ZMYND11: variants seen among roughly 807,000 people sequenced by gnomAD.
The protein encoded by ZMYND11 is zinc finger MYND domain-containing protein 11.
Under a neutral mutation model 84.9 loss-of-function variants are expected in ZMYND11, and 9 were observed. The ratio of observed to expected loss-of-function variants is 0.11; its 90% CI spans 0.06 to 0.18. The LOEUF (loss-of-function observed/expected upper bound fraction) is 0.18. Among genes scored for constraint, ZMYND11 ranks in the 10% least tolerant of loss-of-function variants. ZMYND11 has a pLI of 1.00. For missense variants in ZMYND11, 409 were observed against 761.0 expected (o/e 0.54, Z 5.44); for synonymous variants, 250 against 244.1 (o/e 1.02, Z -0.23).
intron 2 of ZMYND11, among the ~76,000 whole-genome samples, chr10:201,234 AATTT>A (rs964599049): frequency 6.6e-5 from 10 of 152,226 alleles, no homozygotes; most frequent in Admixed American, 6.5e-4. Context: ...ACTTAAAATA[AATTT>A]ATGTTACCAT....
chr10:238,384 T>C (rs1950329695), intron 6 of ZMYND11, among the ~76,000 whole-genome samples: 1 of 151,700 alleles, frequency 6.6e-6, no homozygotes, highest in Admixed American at 6.6e-5. Context: ...TGAGACGGAG[T>C]CTCACTCTGT....
At chr10:231,185 G>A (rs1304070162) in intron 4 of ZMYND11, among the ~76,000 whole-genome samples, 2 of 152,210 alleles carry the variant, frequency 1.3e-5, no homozygotes, top group African/African-American at 4.8e-5. Context: ...CCACATGGTC[G>A]CAAAGCCTAA....
intron 1 of ZMYND11, among the ~76,000 whole-genome samples, chr10:141,164 CAA>C (rs1554753877): frequency 6.6e-6 from 1 of 152,144 alleles, no homozygotes; most frequent in African/African-American, 2.4e-5. Context: ...GTTTATAGTT[CAA>C]GTTACTTCAT....
chr10:241,935 T>A, intron 9 of ZMYND11, 86 bp from the exon 10 acceptor site: 2 of 1,462,946 alleles, frequency 1.4e-6, no homozygotes. Context: ...AAATAATGGA[T>A]TATATGTGAC....
intron 1 of ZMYND11, among the ~76,000 whole-genome samples, chr10:167,782 T>A (rs188812475): frequency 3.1e-3 from 476 of 152,266 alleles, no homozygotes; most frequent in Middle Eastern, 0.031. Context: ...TAGACTAGAT[T>A]AATTTCTCCT....
chr10:243,697 C>G (rs1186970626), intron 10 of ZMYND11, among the ~76,000 whole-genome samples: 3 of 152,160 alleles, frequency 2.0e-5, no homozygotes, highest in Non-Finnish European at 4.4e-5. Flanking sequence ...AACCCCGTCT[C>G]TACTAAAAAT....
Position 197,973 on chromosome 10 carries a change from C to A in ZMYND11, c.117-11916C>A. ...TTTTTACATCATTACACAGATATGT[C>A]ATTTTCATTAGTTGTATCATTGTTA... is the stretch of plus-strand genomic sequence containing the variant. On this transcript the variant is annotated intron_variant, in intron 2 of 14. Coordinates refer to ENST00000381604, the MANE Select transcript of ZMYND11 (RefSeq NM_001370100.5). 3 of 654,392 alleles carry A rather than the reference C, an allele frequency of 4.6e-6. No homozygotes were observed. In the South Asian group the frequency reaches 5.2e-5, roughly 11 times the overall value. The allele number at this position is 654,392 out of a possible 1,614,324, so 40.5% of individuals were successfully genotyped here.
intron 10 of ZMYND11, among the ~76,000 whole-genome samples, chr10:245,768 C>A (rs778135227): frequency 1.3e-5 from 2 of 152,206 alleles, no homozygotes; most frequent in African/African-American, 2.4e-5. Flanking sequence ...CCTTTACCAC[C>A]TGCTGCATTG....
At chr10:244,746 G>A (rs558798429) in intron 10 of ZMYND11, 2 of 152,312 alleles carry the variant, frequency 1.3e-5, no homozygotes, top group East Asian at 3.9e-4. Flanking sequence ...CTTAAATTGC[G>A]GGTGTTTGCT....
At chr10:135,305 G>A (rs1835657663), upstream of ZMYND11, 1 of 151,056 alleles carries the variant, frequency 6.6e-6, no homozygotes, top group South Asian at 2.1e-4. This position sits in a 1 kb window ranked among gnomAD's most constrained non-coding sequence, Gnocchi z 5.6. Flanking sequence ...TCTCTGAGGT[G>A]GAGTATTACA....
chr10:183,922 C>T (rs1446169593), intron 2 of ZMYND11, among the ~76,000 whole-genome samples: 9 of 152,128 alleles, frequency 5.9e-5, no homozygotes. Context: ...GCTCTGGTTT[C>T]TTTTAGTTTT....
chr10:180,815 T>C (rs1847731513), intron 2 of ZMYND11, among the ~76,000 whole-genome samples: 1 of 152,240 alleles, frequency 6.6e-6, no homozygotes, highest in African/African-American at 2.4e-5. Flanking sequence ...GTATGTGTAG[T>C]AAGAAACATC....
chr10:191,860 T>C (rs914888760), intron 2 of ZMYND11, among the ~76,000 whole-genome samples: 4 of 152,162 alleles, frequency 2.6e-5, no homozygotes, highest in Admixed American at 2.0e-4. Context: ...CCACCGTAAG[T>C]TATTATCTGT....
chr10:210,537 C>A (rs938829176), intron 3 of ZMYND11, among the ~76,000 whole-genome samples: 2 of 152,158 alleles, frequency 1.3e-5, no homozygotes, highest in African/African-American at 4.8e-5. Flanking sequence ...CTGGCCAGTG[C>A]CTACGTTGAC....
At chr10:138,495 C>A (rs782241324) in intron 1 of ZMYND11, among the ~76,000 whole-genome samples, 6 of 152,094 alleles carry the variant, frequency 3.9e-5, no homozygotes, top group Non-Finnish European at 7.4e-5. Flanking sequence ...CTTCGGTAAC[C>A]CTCTGAGTTT....
chr10:185,253 C>T (rs1937900464), intron 2 of ZMYND11, among the ~76,000 whole-genome samples: 1 of 152,042 alleles, frequency 6.6e-6, no homozygotes, highest in Admixed American at 6.5e-5. Context: ...TCTCTGTCTT[C>T]TGTAAGGGTC....
At chr10:210,077 A>G (rs768663929) in intron 3 of ZMYND11, 29 bp downstream of exon 3, 2 of 1,606,606 alleles carry the variant, frequency 1.2e-6, no homozygotes, top group Non-Finnish European at 1.7e-6. Flanking sequence ...ATAAACATAG[A>G]GATGTGAACT....
At chr10:229,428 A>G (rs915908764) in intron 4 of ZMYND11, among the ~76,000 whole-genome samples, 1 of 152,162 alleles carries the variant, frequency 6.6e-6, no homozygotes, top group Non-Finnish European at 1.5e-5. Flanking sequence ...TTGAATTCTT[A>G]TAAGTTAAAA....
At chr10:247,161 T>C (rs907276770) in intron 11 of ZMYND11, among the ~76,000 whole-genome samples, 188 bp downstream of exon 11, 3 of 152,212 alleles carry the variant, frequency 2.0e-5, no homozygotes, top group African/African-American at 7.2e-5. Context: ...ATCAATGACC[T>C]TGACCCTGCC....
Sources: gnomAD v4.1 joint callset for allele counts (sites outside exome capture counted in the v4.1 genomes callset) on GRCh38, gnomAD v4.1.1 for gene constraint, Gnocchi (gnomAD v3.1) non-coding constraint, MANE v1.5 for transcripts, NCBI Gene and HGNC (gene_info 2026-07-23, HGNC 2026-07-21) for gene names.